MTA3: variants seen among roughly 807,000 people sequenced by gnomAD.
MTA3 encodes metastasis associated 1 family member 3, also known as metastasis-associated protein MTA3.
MTA3 carries 34 observed loss-of-function variants against 83.5 expected under a neutral mutation model. The observed-to-expected ratio is 0.41, with a 90% CI of 0.31 to 0.54. The LOEUF is 0.54. MTA3 is among the 20% of genes least tolerant of loss of function. The pLI, the probability that MTA3 is intolerant of heterozygous loss-of-function variation, is 0.33. For synonymous variants in MTA3, 303 were observed against 252.7 expected (o/e 1.20, Z -1.89); for missense variants, 761 against 726.4 (o/e 1.05, Z -0.55).
At chr2:42,743,728 A>G (rs939428712) in intron 16 of MTA3, among the ~76,000 whole-genome samples, 2 of 152,206 alleles carry the variant, frequency 1.3e-5, no homozygotes, top group Non-Finnish European at 2.9e-5. Flanking sequence ...GTCTGAAATC[A>G]GTGATTCAAC....
chr2:42,686,677 A>T (rs1053109894), intron 9 of MTA3, among the ~76,000 whole-genome samples: 1 of 152,016 alleles, frequency 6.6e-6, no homozygotes, highest in Non-Finnish European at 1.5e-5. Context: ...ATACAAAACA[A>T]TTAGCTGGGC....
At chr2:42,732,768 A>T (rs1281524060) in intron 16 of MTA3, among the ~76,000 whole-genome samples, 1 of 152,218 alleles carries the variant, frequency 6.6e-6, no homozygotes, top group Non-Finnish European at 1.5e-5. Flanking sequence ...GCTGCTTAGA[A>T]ATTTTTTCTG....
chr2:42,689,410 G>A (rs1418790759), intron 9 of MTA3, among the ~76,000 whole-genome samples: 1 of 152,120 alleles, frequency 6.6e-6, no homozygotes, highest in African/African-American at 2.4e-5. Context: ...GGCTAATGAT[G>A]GCTACTTAGA....
intron 8 of MTA3, among the ~76,000 whole-genome samples, chr2:42,665,282 C>T (rs533559882): frequency 6.6e-6 from 1 of 152,242 alleles, no homozygotes; most frequent in African/African-American, 2.4e-5. Flanking sequence ...GTCCCAGCTA[C>T]TCGGGAGGCT....
intron 3 of MTA3, among the ~76,000 whole-genome samples, chr2:42,603,267 C>T (rs1413214776): frequency 6.6e-6 from 1 of 151,912 alleles, no homozygotes; most frequent in South Asian, 2.1e-4. Flanking sequence ...TTTATCAAAA[C>T]GGGAGAAATA....
At chr2:42,626,052 C>T (rs1420098261) in intron 4 of MTA3, among the ~76,000 whole-genome samples, 116 of 148,020 alleles carry the variant, frequency 7.8e-4, no homozygotes, top group Non-Finnish European at 2.1e-4. Context: ...ATGCCATTCT[C>T]CTGCCTCAGC....
intron 16 of MTA3, among the ~76,000 whole-genome samples, chr2:42,738,765 C>G (rs754640177): frequency 9.9e-5 from 15 of 152,270 alleles, no homozygotes; most frequent in Non-Finnish European, 1.2e-4. Context: ...AAAGAGAATG[C>G]GCACGTAGGG....
chr2:42,549,271 CGT>C (rs1676962702), intron 2 of MTA3, among the ~76,000 whole-genome samples: 1 of 107,764 alleles, frequency 9.3e-6, no homozygotes, highest in Non-Finnish European at 1.8e-5. Flanking sequence ...TATACGTGTA[CGT>C]ATATATGTAA....
chr2:42,539,948 T>A (rs1401829412), intron 2 of MTA3, among the ~76,000 whole-genome samples: 1 of 152,048 alleles, frequency 6.6e-6, no homozygotes, highest in Non-Finnish European at 1.5e-5. Context: ...AGAACATATC[T>A]CTCTTCCTGC....
chr2:42,688,655 C>G (rs1256964058), intron 9 of MTA3, among the ~76,000 whole-genome samples: 1 of 140,444 alleles, frequency 7.1e-6, no homozygotes, highest in Non-Finnish European at 1.5e-5. Flanking sequence ...TAATCTGCAG[C>G]TTTTATATAT....
intron 3 of MTA3, among the ~76,000 whole-genome samples, chr2:42,603,117 T>G (rs1446234193): frequency 6.6e-6 from 1 of 151,942 alleles, no homozygotes; most frequent in Non-Finnish European, 1.5e-5. Flanking sequence ...CTTTTTTTTT[T>G]TTTTTTTTGC....
chr2:42,626,668 C>G (rs1686132757), intron 4 of MTA3, among the ~76,000 whole-genome samples: 2 of 152,164 alleles, frequency 1.3e-5, no homozygotes, highest in South Asian at 2.1e-4. Flanking sequence ...GTCTTACCCT[C>G]TTAGACTAGA....
chr2:42,677,282 G>T (rs1691452057), intron 8 of MTA3, among the ~76,000 whole-genome samples: 1 of 152,120 alleles, frequency 6.6e-6, no homozygotes, highest in Admixed American at 6.5e-5. Context: ...CATGGGGGCA[G>T]GTCTTTCCTG....
At chr2:42,594,728 A>ATATATATATTTTTTTTTTT in intron 3 of MTA3, among the ~76,000 whole-genome samples, 17 of 24,042 alleles carry the variant, frequency 7.1e-4, no homozygotes, top group East Asian at 2.3e-3. Context: ...ATATATATAT[A>ATATATATATTTTTTTTTTT]TTTTTTTTTT....
chr2:42,648,737 A>T (rs977705109), intron 6 of MTA3, among the ~76,000 whole-genome samples: 3 of 152,114 alleles, frequency 2.0e-5, no homozygotes, highest in African/African-American at 7.2e-5. Context: ...CATAAAAGAG[A>T]AGTTTTGAGT....
chr2:42,638,156 T>C (rs1422710354), intron 4 of MTA3, among the ~76,000 whole-genome samples: 1 of 152,186 alleles, frequency 6.6e-6, no homozygotes, highest in Non-Finnish European at 1.5e-5. Context: ...GATTTTTTTT[T>C]CTAGGTGATT....
At chr2:42,665,162 G>A (rs976025264) in intron 8 of MTA3, among the ~76,000 whole-genome samples, 3 of 152,170 alleles carry the variant, frequency 2.0e-5, no homozygotes, top group African/African-American at 4.8e-5. Flanking sequence ...CACTTTGGGA[G>A]GCCAAGGCAG....
At chr2:42,733,051 C>G (rs1270538188) in intron 16 of MTA3, among the ~76,000 whole-genome samples, 1 of 152,220 alleles carries the variant, frequency 6.6e-6, no homozygotes, top group Non-Finnish European at 1.5e-5. Flanking sequence ...ACTGTTCCAA[C>G]CTGTGCCTGT....
chr2:42,537,968 C>T (rs572806850), intron 2 of MTA3, among the ~76,000 whole-genome samples: 2 of 152,318 alleles, frequency 1.3e-5, no homozygotes, highest in African/African-American at 2.4e-5. Flanking sequence ...CACAGTGGCT[C>T]ATGCCTGTAA....
Sources: gnomAD v4.1 joint callset for allele counts (sites outside exome capture counted in the v4.1 genomes callset) on GRCh38, gnomAD v4.1.1 for gene constraint, MANE v1.5 for transcripts, NCBI Gene and HGNC (gene_info 2026-07-23, HGNC 2026-07-21) for gene names.